The following TIPIN variants were observed in gnomAD, a reference collection of about 807,000 sequenced individuals.
TIPIN encodes TIMELESS-interacting protein.
Under a neutral mutation model 35.6 loss-of-function variants are expected in TIPIN, and 29 were observed. That is an observed-to-expected ratio of 0.82 (90% CI 0.61 to 1.11). TIPIN has a LOEUF of 1.11. TIPIN is among the 50% of genes most tolerant of loss of function. The pLI, the probability that TIPIN is intolerant of heterozygous loss-of-function variation, is 0.00. For synonymous variants in TIPIN, 102 were observed against 121.5 expected, an observed-to-expected ratio of 0.84 and a Z score of 1.06; for missense variants, 296 against 345.4, an observed-to-expected ratio of 0.86 and a Z score of 1.13.
At chr15:66,347,247 A>G (rs2093132624) in intron 6 of TIPIN, 2 of 518,850 alleles carry the variant, frequency 3.9e-6, no homozygotes, top group Non-Finnish European at 7.7e-6. Context: ...ATAACTATAC[A>G]GACCCTGTCG....
chr15:66,363,106 G>A (rs1042816978), intron 1 of TIPIN, among the ~76,000 whole-genome samples: 3 of 152,186 alleles, frequency 2.0e-5, no homozygotes, highest in South Asian at 2.1e-4. Context: ...GACTGGGTGC[G>A]GTGGTTCACA....
Position 66,352,215 on chromosome 15 carries a change from A to C in TIPIN, c.134-8T>G, listed in dbSNP as rs1566976971. 6.3e-7 allele frequency: 1 copy of C among 1,580,090 alleles called. No homozygotes were observed. The highest frequency in any genetic ancestry group is 2.2e-5 in the East Asian group (1 of 44,568). ...GTGCTCCATTTCCTGACTCTGGTGA[A>C]ACAAACCACGATTCAGTATTACTGT... On this transcript the variant is annotated splice_polypyrimidine_tract_variant and splice_region_variant and intron_variant, in intron 2 of 7. Transcript: ENST00000261881.
At chr15:66,368,185 C>T (rs2093264804) in intron 1 of TIPIN, among the ~76,000 whole-genome samples, 1 of 151,906 alleles carries the variant, frequency 6.6e-6, no homozygotes, top group African/African-American at 2.4e-5. Context: ...TAAATTTGGA[C>T]TATATACATC....
chr15:66,386,148 C>A (rs1456899135), intron 1 of TIPIN, among the ~76,000 whole-genome samples: 2 of 152,126 alleles, frequency 1.3e-5, no homozygotes, highest in Non-Finnish European at 2.9e-5. Context: ...AAAAAGGATC[C>A]GGGCATGACG....
chr15:66,372,553 A>G (rs1053364823), intron 1 of TIPIN, among the ~76,000 whole-genome samples: 3 of 152,228 alleles, frequency 2.0e-5, no homozygotes, highest in African/African-American at 7.2e-5. Flanking sequence ...ATAGCCACAC[A>G]TCACATAAAA....
At chr15:66,376,670 C>A (rs2093298109) in intron 1 of TIPIN, among the ~76,000 whole-genome samples, 1 of 151,504 alleles carries the variant, frequency 6.6e-6, no homozygotes. Context: ...CTCAAGTGAC[C>A]CCCCCACTCT....
Position 66,353,414 on chromosome 15 carries a change from G to A in TIPIN, c.-8-459C>T, listed in dbSNP as rs939201118. ...GGGCGGATCACGAGGTCAGGAGATCGAGACCATCCTGGCTACACGGTGAAA... is the reference window on the plus strand; with the variant it reads ...GGGCGGATCACGAGGTCAGGAGATCAAGACCATCCTGGCTACACGGTGAAA... On this transcript the variant is annotated intron_variant, in intron 1 of 7. Coordinates refer to ENST00000261881, the MANE Select transcript of TIPIN (RefSeq NM_017858.3). 2.6e-5 allele frequency among the ~76,000 whole-genome samples: 4 copies of A among 151,850 alleles called. No homozygotes were observed. In the East Asian group the frequency reaches 5.8e-4, roughly 22 times the overall value.
intron 1 of TIPIN, among the ~76,000 whole-genome samples, chr15:66,377,107 CAAA>C (rs36061431): frequency 9.5e-6 from 1 of 105,450 alleles, no homozygotes. Context: ...GACTCCCTCT[CAAA>C]AAAAAAAAAA....
At chr15:66,375,386 G>T (rs1246302781) in intron 1 of TIPIN, among the ~76,000 whole-genome samples, 3 of 151,248 alleles carry the variant, frequency 2.0e-5, no homozygotes, top group Non-Finnish European at 4.4e-5. Flanking sequence ...TGTGGCCCAG[G>T]TGGGTCTTGA....
At position 66,336,887 on chromosome 15, in the gene TIPIN, A is replaced by T; in HGVS notation, c.*71T>A. ...CTATCTAAGGATTTTCACTCCAAGAAGAAAAAATACATAGTAACGCCAAGC... is the reference window on the plus strand; with the variant it reads ...CTATCTAAGGATTTTCACTCCAAGATGAAAAAATACATAGTAACGCCAAGC... On this transcript the variant is annotated 3_prime_UTR_variant, in exon 8 of 8. Coordinates refer to ENST00000261881, the MANE Select transcript of TIPIN (RefSeq NM_017858.3). The T allele has an allele frequency of 2.2e-6, 3 of 1,363,282 alleles. No individual in the cohort carries two copies. Among genetic ancestry groups the T allele is most frequent in the South Asian group, 2.6e-5 (2 of 77,038 alleles). 84.4% of individuals were successfully genotyped at this position (1,363,282 alleles called of 1,614,324 possible).
chr15:66,358,613 G>A (rs1221600666), upstream of TIPIN, among the ~76,000 whole-genome samples: 7 of 151,924 alleles, frequency 4.6e-5, no homozygotes, highest in Non-Finnish European at 8.8e-5. Flanking sequence ...TGGGAGTTTC[G>A]CCATGTTGCC....
chr15:66,349,019 A>C, intron 6 of TIPIN, 41 bp downstream of exon 6: 6 of 1,552,102 alleles, frequency 3.9e-6, no homozygotes, highest in Non-Finnish European at 5.3e-6. Context: ...TCTATTTCTA[A>C]AAGCAAAATT....
intron 1 of TIPIN, among the ~76,000 whole-genome samples, chr15:66,376,650 A>C (rs2093298013): frequency 1.3e-5 from 2 of 151,222 alleles, no homozygotes; most frequent in Non-Finnish European, 2.9e-5. Context: ...GGCTGTCTTG[A>C]ACTCCTGACC....
intron 1 of TIPIN, 121 bp downstream of exon 1, chr15:66,356,518 C>T (rs1482513919): frequency 6.1e-6 from 5 of 825,674 alleles, no homozygotes; most frequent in Non-Finnish European, 7.3e-6. Flanking sequence ...GACCCCCTTC[C>T]TGCGACAATT....
Sources: gnomAD v4.1 joint callset for allele counts (sites outside exome capture counted in the v4.1 genomes callset) on GRCh38, gnomAD v4.1.1 for gene constraint, MANE v1.5 for transcripts, NCBI Gene and HGNC (gene_info 2026-07-23, HGNC 2026-07-21) for gene names.